Variants in SLC25A26 observed in about 807,000 individuals in gnomAD.
SLC25A26 encodes mitochondrial S-adenosylmethionine carrier protein.
In SLC25A26, 36 loss-of-function variants were observed where a neutral mutation model predicts 37.8. The ratio of observed to expected loss-of-function variants is 0.95; its 90% CI spans 0.73 to 1.26. The LOEUF is 1.26. Ranked by LOEUF, SLC25A26 falls within the 50% of genes most tolerant of loss-of-function variation. SLC25A26 has a pLI of 0.00. For synonymous variants in SLC25A26, 129 were observed against 122.5 expected, an observed-to-expected ratio of 1.05 and a Z score of -0.35; for missense variants, 390 against 331.1, an observed-to-expected ratio of 1.18 and a Z score of -1.38.
At chr3:66,211,500 C>G (rs960212461) in intron 1 of SLC25A26, among the ~76,000 whole-genome samples, 2 of 152,196 alleles carry the variant, frequency 1.3e-5, no homozygotes, top group Non-Finnish European at 2.9e-5. Flanking sequence ...TCTTGCGGCT[C>G]TTAATATAGC....
chr3:66,170,873 G>A (rs573811334), intron 1 of SLC25A26, among the ~76,000 whole-genome samples: 4 of 133,850 alleles, frequency 3.0e-5, no homozygotes, highest in Middle Eastern at 4.1e-3. Context: ...GCGGGATCTC[G>A]GCTCACTGCA....
At chr3:66,196,950 G>A (rs2071052456) in intron 1 of SLC25A26, among the ~76,000 whole-genome samples, 2 of 151,966 alleles carry the variant, frequency 1.3e-5, no homozygotes, top group African/African-American at 4.8e-5. Context: ...ATCATCCAAG[G>A]CATATTTTGT....
chr3:66,188,855 G>A (rs927729143), intron 1 of SLC25A26, among the ~76,000 whole-genome samples: 6 of 151,186 alleles, frequency 4.0e-5, no homozygotes, highest in East Asian at 2.0e-4. Context: ...GACCCTGTTC[G>A]TCACGCTGAA....
intron 1 of SLC25A26, among the ~76,000 whole-genome samples, chr3:66,210,847 C>T (rs1344625165): frequency 1.3e-5 from 2 of 152,216 alleles, no homozygotes; most frequent in Non-Finnish European, 2.9e-5. Context: ...AGCTGAGTAT[C>T]GCCAAAGGTT....
chr3:66,363,371 T>A (rs1454896200), intron 7 of SLC25A26, among the ~76,000 whole-genome samples: 1 of 152,086 alleles, frequency 6.6e-6, no homozygotes, highest in African/African-American at 2.4e-5. Flanking sequence ...TTAACTAGTG[T>A]CAGGAGAGCA....
chr3:66,189,390 CACTT>C (rs1256482013), intron 1 of SLC25A26, among the ~76,000 whole-genome samples: 11 of 152,118 alleles, frequency 7.2e-5, no homozygotes, highest in African/African-American at 2.7e-4. Context: ...CTGCTCCTGA[CACTT>C]ACCATATCCT....
chr3:66,144,439 C>G (rs2070084505), intron 1 of SLC25A26, among the ~76,000 whole-genome samples: 1 of 152,176 alleles, frequency 6.6e-6, no homozygotes. Context: ...CACTGGTGTT[C>G]CCCAAGCACT....
intron 7 of SLC25A26, among the ~76,000 whole-genome samples, chr3:66,368,618 C>T (rs1346039979): frequency 2.0e-5 from 3 of 152,160 alleles, no homozygotes; most frequent in Non-Finnish European, 4.4e-5. Context: ...TCAAAGAATC[C>T]AGCCATGTAT....
intron 1 of SLC25A26, among the ~76,000 whole-genome samples, chr3:66,230,526 G>A (rs1397873718): frequency 6.6e-6 from 1 of 152,010 alleles, no homozygotes; most frequent in East Asian, 1.9e-4. Flanking sequence ...ATTTTAGGCC[G>A]GGCGTGGTGG....
chr3:66,347,608 G>C lies in SLC25A26; in HGVS notation c.498+1200G>C, dbSNP rs181837636. On this transcript the variant is annotated intron_variant, in intron 6 of 9. Coordinates refer to ENST00000354883, the MANE Select transcript of SLC25A26 (RefSeq NM_001379210.1). ...AGAACCAGAAATACCATTTGACCCA[G>C]CAATCCCATTACTGGGTATATACCC... 1.4e-4 allele frequency among the ~76,000 whole-genome samples: 21 copies of C among 152,282 alleles called. No individual in the cohort carries two copies. The East Asian group carries it at 3.9e-3, about 28-fold the overall frequency.
At chr3:66,170,265 G>C (rs1029220210) in intron 1 of SLC25A26, among the ~76,000 whole-genome samples, 1 of 152,174 alleles carries the variant, frequency 6.6e-6, no homozygotes, top group African/African-American at 2.4e-5. Context: ...CCAAAACTGT[G>C]CACGGCTTTA....
At chr3:66,289,497 G>A (rs2074631285) in intron 5 of SLC25A26, among the ~76,000 whole-genome samples, 1 of 152,128 alleles carries the variant, frequency 6.6e-6, no homozygotes, top group Admixed American at 6.5e-5. Flanking sequence ...GTTAATTTTT[G>A]TATAAAGAGT....
intron 1 of SLC25A26, 97 bp downstream of exon 1, chr3:66,221,224 G>A: frequency 7.6e-7 from 1 of 1,320,726 alleles, no homozygotes. Context: ...CGGTTTTGCG[G>A]GCTGGACTGT....
At chr3:66,347,418 A>G (rs2076351703) in intron 6 of SLC25A26, among the ~76,000 whole-genome samples, 1 of 152,240 alleles carries the variant, frequency 6.6e-6, no homozygotes, top group Non-Finnish European at 1.5e-5. Context: ...TCAAAACCAC[A>G]ATGAGATACC....
At chr3:66,224,790 A>T (rs1011131040) in intron 1 of SLC25A26, among the ~76,000 whole-genome samples, 2 of 152,214 alleles carry the variant, frequency 1.3e-5, no homozygotes, top group African/African-American at 4.8e-5. Context: ...TACTTCCTAG[A>T]TACAATGGGG....
chr3:66,211,088 A>G (rs1426507240), intron 1 of SLC25A26, among the ~76,000 whole-genome samples: 1 of 152,222 alleles, frequency 6.6e-6, no homozygotes, highest in Non-Finnish European at 1.5e-5. Flanking sequence ...CTATTTTGCT[A>G]TATCAGCACC....
At chr3:66,275,604 G>A (rs1366275235) in intron 5 of SLC25A26, among the ~76,000 whole-genome samples, 1 of 151,998 alleles carries the variant, frequency 6.6e-6, no homozygotes, top group African/African-American at 2.4e-5. Flanking sequence ...AAGTACTTAG[G>A]TATTAAGATC....
intron 6 of SLC25A26, among the ~76,000 whole-genome samples, chr3:66,358,316 ACT>A (rs1345858549): frequency 3.3e-5 from 5 of 152,248 alleles, no homozygotes; most frequent in African/African-American, 9.6e-5. Context: ...TGTAAATAAC[ACT>A]CTTTTTAGAT....
chr3:66,197,691 G>C (rs1055500990), intron 1 of SLC25A26, among the ~76,000 whole-genome samples: 1 of 152,068 alleles, frequency 6.6e-6, no homozygotes, highest in African/African-American at 2.4e-5. Context: ...GTGAGTTTGC[G>C]TGTCAGGTTC....
Sources: gnomAD v4.1 joint callset for allele counts (sites outside exome capture counted in the v4.1 genomes callset) on GRCh38, gnomAD v4.1.1 for gene constraint, MANE v1.5 for transcripts, NCBI Gene and HGNC (gene_info 2026-07-23, HGNC 2026-07-21) for gene names.